Variants in MTHFD1L observed in about 807,000 individuals in gnomAD.
MTHFD1L encodes methylenetetrahydrofolate dehydrogenase (NADP+ dependent) 1 like.
MTHFD1L carries 81 observed loss-of-function variants against 119.5 expected under a neutral mutation model. That is an observed-to-expected ratio of 0.68 (90% CI 0.57 to 0.82). MTHFD1L has a LOEUF of 0.82. MTHFD1L is among the 40% of genes least tolerant of loss of function. MTHFD1L has a pLI of 0.00. For synonymous variants in MTHFD1L, 430 were observed against 475.2 expected, an observed-to-expected ratio of 0.90 and a Z score of 1.24; for missense variants, 1,125 against 1,253.4, an observed-to-expected ratio of 0.90 and a Z score of 1.55.
At chr6:150,882,712 C>T (rs1781571762) in intron 4 of MTHFD1L, 50 bp from the exon 5 acceptor site, 3 of 1,308,772 alleles carry the variant, frequency 2.3e-6, no homozygotes, top group African/African-American at 1.6e-5. Flanking sequence ...TTTGTTGGGT[C>T]TCATTTTCAC....
chr6:151,030,260 C>T (rs1785149930), intron 24 of MTHFD1L, among the ~76,000 whole-genome samples: 1 of 152,200 alleles, frequency 6.6e-6, no homozygotes, highest in Admixed American at 6.5e-5. Context: ...CTACCTCACA[C>T]AGCCACCAAG....
rs1014145394 is a variant in MTHFD1L, at chr6:150,877,550, G to A, written c.313-84G>A. The A allele has an allele frequency of 7.6e-6, 11 of 1,441,658 alleles. No homozygotes were observed. In the South Asian group the frequency reaches 1.1e-4, roughly 14 times the overall value. The allele number at this position is 1,441,658 out of a possible 1,614,324, so 89.3% of individuals were successfully genotyped here. A position where few individuals can be genotyped will look rare whatever the true frequency, so the allele number is the denominator to read the frequency against. On this transcript the variant is annotated intron_variant, in intron 2 of 27. Coordinates refer to ENST00000367321, the MANE Select transcript of MTHFD1L (RefSeq NM_015440.5). The stretch of plus-strand genomic sequence containing the variant: ...TATTATCTTTGTAATTAGATCATCT[G>A]TAATCACAAAATTCATCTCTGGATT...
At chr6:151,086,573 A>C (rs566639248) in intron 26 of MTHFD1L, among the ~76,000 whole-genome samples, 7 of 152,220 alleles carry the variant, frequency 4.6e-5, no homozygotes, top group African/African-American at 1.7e-4. Flanking sequence ...TCTGTTGCTC[A>C]GGCTGGAGTA....
chr6:150,937,744 G>A (rs1026194203), intron 12 of MTHFD1L, among the ~76,000 whole-genome samples: 8 of 152,092 alleles, frequency 5.3e-5, no homozygotes, highest in South Asian at 2.1e-4. Context: ...TCTCGGAGCC[G>A]CATCTCTAAA....
chr6:151,004,463 G>C (rs1584072526), intron 20 of MTHFD1L, among the ~76,000 whole-genome samples: 1 of 152,116 alleles, frequency 6.6e-6, no homozygotes, highest in East Asian at 1.9e-4. Flanking sequence ...TACTACATTT[G>C]CCTGCCAGGA....
chr6:150,940,527 C>T (rs1039429075), intron 13 of MTHFD1L, among the ~76,000 whole-genome samples: 1 of 152,098 alleles, frequency 6.6e-6, no homozygotes, highest in Non-Finnish European at 1.5e-5. Flanking sequence ...CATTGGTGTC[C>T]CGCTGGTTTA....
At chr6:151,077,169 G>T (rs1394915392) in intron 26 of MTHFD1L, among the ~76,000 whole-genome samples, 1 of 152,050 alleles carries the variant, frequency 6.6e-6, no homozygotes, top group Non-Finnish European at 1.5e-5. Flanking sequence ...TTCTCTCCTA[G>T]AACTGAAGGA....
chr6:151,096,952 T>G (rs1794939610), intron 27 of MTHFD1L, among the ~76,000 whole-genome samples: 1 of 152,234 alleles, frequency 6.6e-6, no homozygotes, highest in Non-Finnish European at 1.5e-5. Flanking sequence ...AATAAGGGCA[T>G]GACTCATTCT....
At chr6:150,945,194 A>G (rs1393894835) in intron 14 of MTHFD1L, among the ~76,000 whole-genome samples, 1 of 152,254 alleles carries the variant, frequency 6.6e-6, no homozygotes, top group Admixed American at 6.5e-5. Flanking sequence ...TACATAATCC[A>G]GATACATCTT....
chr6:150,908,498 G>T (rs1384700149), intron 8 of MTHFD1L, among the ~76,000 whole-genome samples: 8 of 151,790 alleles, frequency 5.3e-5, no homozygotes, highest in Non-Finnish European at 1.2e-4. Flanking sequence ...TTGGTGGCAG[G>T]TGCCTGTAAT....
chr6:151,024,997 T>C (rs1784431639), intron 24 of MTHFD1L, among the ~76,000 whole-genome samples: 1 of 152,172 alleles, frequency 6.6e-6, no homozygotes, highest in African/African-American at 2.4e-5. Context: ...CTTATTCCCA[T>C]ATATTCCGTT....
rs376864509 is a variant in MTHFD1L, at chr6:151,056,451, C to G, written c.2847+19334C>G. 1.2e-4 allele frequency among the ~76,000 whole-genome samples: 19 copies of G among 152,330 alleles called. No homozygotes were observed. In the East Asian group the frequency reaches 3.5e-3, roughly 28 times the overall value. On this transcript the variant is annotated intron_variant, in intron 26 of 27. Transcript: ENST00000367321. ...CAGCCACCCGGCTTTTTCTGAAAGG[C>G]CTGCTTGGGCAATGATGCCTGGAGA...
At chr6:151,077,139 T>A (rs1366812077) in intron 26 of MTHFD1L, among the ~76,000 whole-genome samples, 2 of 152,140 alleles carry the variant, frequency 1.3e-5, no homozygotes, top group Non-Finnish European at 2.9e-5. Flanking sequence ...GAAATAATCC[T>A]CAGCCTTCCA....
At chr6:150,983,897 A>C (rs2128426119) in intron 20 of MTHFD1L, among the ~76,000 whole-genome samples, 1 of 152,212 alleles carries the variant, frequency 6.6e-6, no homozygotes, top group South Asian at 2.1e-4. Context: ...CTGCCTCCTG[A>C]GTAGCTGAGA....
At chr6:151,071,837 ATT>A (rs753092094) in intron 26 of MTHFD1L, among the ~76,000 whole-genome samples, 2,500 of 107,382 alleles carry the variant, frequency 0.023, 31 homozygotes, top group African/African-American at 0.084. Flanking sequence ...GTAAGTACAG[ATT>A]TTTTTTTTTT....
intron 26 of MTHFD1L, 22 bp downstream of exon 26, chr6:151,037,139 A>G (rs775992491): frequency 5.5e-5 from 88 of 1,611,258 alleles, no homozygotes; most frequent in Non-Finnish European, 7.0e-5. Flanking sequence ...ACATTTTCCA[A>G]AAACCCTCCC....
In MTHFD1L at chr6:150,866,028, C is replaced by T. The variant is rs1209785715; in HGVS notation, c.206C>T (p.Ala69Val). The T allele has an allele frequency of 7.8e-6, 11 of 1,412,394 alleles. No individual in the cohort carries two copies. Among genetic ancestry groups the T allele is most frequent in the Admixed American group, 3.0e-5 (1 of 33,214 alleles). 87.5% of individuals were successfully genotyped at this position (1,412,394 alleles called of 1,614,324 possible). A position where few individuals can be genotyped will look rare whatever the true frequency, so the allele number is the denominator to read the frequency against. ...SSCSPGGRTP[A>V]ARDSIVREVI... is the part of the protein sequence containing the mutation. The stretch of plus-strand genomic sequence containing the variant: ...TGCAGCCCCGGCGGCCGAACGCCCG[C>T]GGCGCGGGACTCCATCGTCAGGTGA... The change falls in exon 1 of 28, where the codon GCG becomes GTG. Residue 69 changes from alanine (A) to valine (V), a missense_variant. Ala to Val is a moderately conservative substitution (Grantham distance 64). Coordinates refer to ENST00000367321, the MANE Select transcript of MTHFD1L (RefSeq NM_015440.5).
At chr6:150,996,505 A>C (rs1584022188) in intron 20 of MTHFD1L, among the ~76,000 whole-genome samples, 2 of 149,156 alleles carry the variant, frequency 1.3e-5, no homozygotes, top group African/African-American at 2.5e-5. Flanking sequence ...CAGCAGAAAA[A>C]CCCCCTGTTT....
chr6:151,040,724 A>C (rs1786963668), intron 26 of MTHFD1L, among the ~76,000 whole-genome samples: 1 of 152,214 alleles, frequency 6.6e-6, no homozygotes, highest in African/African-American at 2.4e-5. Flanking sequence ...ATGAAATAAA[A>C]TAATAAAAAA....
Sources: allele counts gnomAD v4.1 joint callset (sites outside exome capture counted in the v4.1 genomes callset), GRCh38; gene constraint gnomAD v4.1.1; transcripts MANE v1.5; gene names NCBI Gene and HGNC (gene_info 2026-07-23, HGNC 2026-07-21).